Variants in RHOT1 observed in about 807,000 individuals in gnomAD.
The protein encoded by RHOT1 is mitochondrial Rho GTPase 1.
RHOT1 carries 27 observed loss-of-function variants against 95.3 expected under a neutral mutation model. That is an observed-to-expected ratio of 0.28 (90% CI 0.21 to 0.39). RHOT1 has a LOEUF of 0.39. Ranked by LOEUF, RHOT1 falls within the 10% of genes least tolerant of loss-of-function variation. The probability of loss-of-function intolerance (pLI) is 1.00; values close to 1 mark genes in which losing one functional copy is unlikely to be tolerated. For synonymous variants in RHOT1, 227 were observed against 263.5 expected (o/e 0.86, Z 1.34); for missense variants, 578 against 786.7 (o/e 0.73, Z 3.17).
At chr17:32,191,602 G>A (rs1351551303) in intron 8 of RHOT1, among the ~76,000 whole-genome samples, 1 of 152,142 alleles carries the variant, frequency 6.6e-6, no homozygotes, top group African/African-American at 2.4e-5. Context: ...AGCAGCATTA[G>A]TCATAAAAGT....
chr17:32,149,625 A>G (rs372172168), intron 1 of RHOT1, among the ~76,000 whole-genome samples: 6,615 of 87,602 alleles, frequency 0.076, 927 homozygotes, highest in African/African-American at 0.33. Flanking sequence ...ATATATATAT[A>G]TATATATATA....
intron 1 of RHOT1, among the ~76,000 whole-genome samples, chr17:32,149,661 GTA>G (rs1202699057): frequency 5.8e-4 from 73 of 124,796 alleles, no homozygotes; most frequent in African/African-American, 1.2e-3. Flanking sequence ...GTGTGTGTGT[GTA>G]TACACACATG....
At chr17:32,206,796 C>T in intron 16 of RHOT1, 114 bp from the exon 17 acceptor site, 1 of 790,884 alleles carries the variant, frequency 1.3e-6, no homozygotes, top group Non-Finnish European at 1.9e-6. Context: ...AAAAGTTATG[C>T]TTAACCAGTA....
chr17:32,156,227 A>G (rs942787716), intron 1 of RHOT1, among the ~76,000 whole-genome samples: 22 of 152,146 alleles, frequency 1.4e-4, no homozygotes, highest in South Asian at 4.1e-4. Flanking sequence ...TCTCTCTGCC[A>G]TTTCTAGGGT....
chr17:32,192,749 G>A (rs1338715381), intron 9 of RHOT1, among the ~76,000 whole-genome samples: 1 of 147,278 alleles, frequency 6.8e-6, no homozygotes, highest in Non-Finnish European at 1.5e-5. Flanking sequence ...TCGGCTCACT[G>A]CAACCTCCGC....
chr17:32,148,594 C>G (rs1462492487), intron 1 of RHOT1, among the ~76,000 whole-genome samples: 3 of 152,118 alleles, frequency 2.0e-5, no homozygotes, highest in East Asian at 1.9e-4. Context: ...TCCTTTGGAA[C>G]AGTGTTTAGC....
intron 1 of RHOT1, among the ~76,000 whole-genome samples, chr17:32,148,838 C>G (rs139089390): frequency 2.9e-3 from 436 of 152,294 alleles, no homozygotes; most frequent in Middle Eastern, 6.8e-3. Context: ...AATGTTATTT[C>G]TGCTTCATGA....
At chr17:32,150,796 G>A in intron 1 of RHOT1, 5 of 1,558,996 alleles carry the variant, frequency 3.2e-6, no homozygotes, top group Non-Finnish European at 4.4e-6. Context: ...CTCAGTGAAG[G>A]TAGAGTTCCA....
Position 32,182,788 on chromosome 17 carries a change from G to T in RHOT1, c.361G>T (p.Asp121Tyr). 6.2e-7 allele frequency: 1 copy of T among 1,606,212 alleles called. No individual in the cohort carries two copies. The highest frequency in any genetic ancestry group is 8.5e-7 in the Non-Finnish European group (1 of 1,175,408). Residue 121 changes from aspartate (D) to tyrosine (Y), a missense_variant, in exon 7 of 20, where the codon GAT (aspartate) becomes TAT (tyrosine). Transcript: ENST00000545287. ...TTTAATATTGGTTGGGAACAAATCT[G>T]ATCTGGTGGAATATAGTAGTATGGA... is the stretch of plus-strand genomic sequence containing the variant. ...LPLILVGNKSDLVEYSSMETI... is the reference protein window; with the variant it reads ...LPLILVGNKSYLVEYSSMETI...
intron 6 of RHOT1, among the ~76,000 whole-genome samples, chr17:32,180,811 T>G (rs1432268048): frequency 6.6e-6 from 1 of 151,936 alleles, no homozygotes; most frequent in Non-Finnish European, 1.5e-5. Flanking sequence ...GCTTCCCAAG[T>G]AGCTGGGACT....
intron 6 of RHOT1, among the ~76,000 whole-genome samples, chr17:32,181,480 A>G (rs1038991743): frequency 3.3e-5 from 5 of 152,042 alleles, no homozygotes; most frequent in African/African-American, 1.2e-4. Context: ...TTTCCTTTTC[A>G]TCTTTACTGT....
At chr17:32,149,206 TTACATTTTA>T (rs1384353373) in intron 1 of RHOT1, among the ~76,000 whole-genome samples, 5 of 152,038 alleles carry the variant, frequency 3.3e-5, no homozygotes, top group African/African-American at 1.2e-4. Flanking sequence ...TGTATTTATA[TTACATTTTA>T]TACATTTTAT....
chr17:32,189,422 C>G (rs1490529118), intron 8 of RHOT1, among the ~76,000 whole-genome samples: 1 of 152,210 alleles, frequency 6.6e-6, no homozygotes, highest in African/African-American at 2.4e-5. Context: ...GGAACTCTTA[C>G]AAGAATTTAC....
chr17:32,200,687 T>C (rs774748058), intron 13 of RHOT1, among the ~76,000 whole-genome samples: 3 of 151,830 alleles, frequency 2.0e-5, no homozygotes, highest in Non-Finnish European at 4.4e-5. Context: ...TGCAGGAAGA[T>C]CACTTGCACC....
rs1352400152 is a variant in RHOT1 at position 32,198,977 on chromosome 17, A to G, written c.900A>G (p.Glu300=). Residue 300 remains glutamate, a synonymous_variant, in exon 12 of 20, where the codon GAA becomes GAG. Transcript: ENST00000545287. ...LLKIPPDCTT[E]LNHHAYLFLQ... is the part of the protein sequence containing the mutation. Reference sequence around the variant, plus strand: ...AAATACCTCCTGATTGCACTACTGAATTAAATCATCATGCATATTTATTTC... The same window carrying G: ...AAATACCTCCTGATTGCACTACTGAGTTAAATCATCATGCATATTTATTTC... The G allele has an allele frequency of 2.5e-6, 4 of 1,611,730 alleles. No individual in the cohort carries two copies. The highest frequency in any genetic ancestry group is 3.4e-6 in the Non-Finnish European group (4 of 1,178,242).
intron 2 of RHOT1, among the ~76,000 whole-genome samples, chr17:32,172,028 A>G (rs946737987): frequency 5.3e-5 from 8 of 152,226 alleles, no homozygotes; most frequent in South Asian, 4.1e-4. Context: ...AATTTGTGCA[A>G]TGGGATGAAA....
intron 2 of RHOT1, among the ~76,000 whole-genome samples, chr17:32,173,214 TGA>T (rs1055370355): frequency 7.9e-5 from 12 of 152,092 alleles, no homozygotes; most frequent in African/African-American, 2.9e-4. Context: ...TGGGTATTGG[TGA>T]GAGGGGTAAT....
In RHOT1 at chr17:32,199,058, T is replaced by A. The variant is rs9893427; in HGVS notation, c.954+27T>A. 8.9e-3 allele frequency: 13,155 copies of A among 1,480,878 alleles called. 951 individuals carry two copies. The African/African-American group carries it at 0.16, about 18-fold the overall frequency. 91.7% of individuals were successfully genotyped at this position (1,480,878 alleles called of 1,614,324 possible). A position where few individuals can be genotyped will look rare whatever the true frequency, so the allele number is the denominator to read the frequency against. ...TAAGCCTTTAGCTGTAATTTTCCATTATATATAGTAAAACATTTTTCTATG... is the reference window on the plus strand; with the variant it reads ...TAAGCCTTTAGCTGTAATTTTCCATAATATATAGTAAAACATTTTTCTATG... On this transcript the variant is annotated intron_variant, in intron 12 of 19. Coordinates refer to ENST00000545287, the MANE Select transcript of RHOT1 (RefSeq NM_001033566.3).
At chr17:32,192,662 T>A (rs11871394) in intron 9 of RHOT1, among the ~76,000 whole-genome samples, 4 of 150,716 alleles carry the variant, frequency 2.7e-5, no homozygotes, top group Non-Finnish European at 4.4e-5. Context: ...TGACATGTTT[T>A]ACTTTTTTTT....
Sources: allele counts gnomAD v4.1 joint callset (sites outside exome capture counted in the v4.1 genomes callset), GRCh38; gene constraint gnomAD v4.1.1; transcripts MANE v1.5; gene names NCBI Gene and HGNC (gene_info 2026-07-23, HGNC 2026-07-21).